Variants in RNF139 observed in about 807,000 individuals in gnomAD.
RNF139 encodes ring finger protein 139, also known as E3 ubiquitin-protein ligase RNF139.
Under a neutral mutation model 49.5 loss-of-function variants are expected in RNF139, and 15 were observed. The observed-to-expected ratio is 0.30, with a 90% CI of 0.20 to 0.47. RNF139 has a LOEUF of 0.47. Among genes scored for constraint, RNF139 ranks in the 20% least tolerant of loss-of-function variants. RNF139 has a pLI of 1.00. For synonymous variants in RNF139, 325 were observed against 300.9 expected (o/e 1.08, Z -0.83); for missense variants, 619 against 806.3 (o/e 0.77, Z 2.81).
At chr8:124,482,335 G>A (rs1185330201) in intron 1 of RNF139, among the ~76,000 whole-genome samples, 2 of 152,008 alleles carry the variant, frequency 1.3e-5, no homozygotes, top group African/African-American at 4.8e-5. Context: ...TAAAATTATG[G>A]CAAAGCTCAT....
intron 1 of RNF139, among the ~76,000 whole-genome samples, chr8:124,484,708 T>C (rs796151328): frequency 1.3e-5 from 2 of 152,196 alleles, no homozygotes; most frequent in African/African-American, 4.8e-5. Flanking sequence ...ACTTAAAATA[T>C]GCATTTCTGT....
rs1816554709 is a variant in RNF139 at position 124,487,371 on chromosome 8, A to G, written c.1722A>G (p.Lys574=). ...NHYFHALCLR[K]WLYIQDTCPM... ...ATTTCCATGCACTTTGCCTTCGGAA[A>G]TGGCTGTACATTCAAGATACTTGTC... The change falls in exon 2 of 2, where the codon AAA becomes AAG. Residue 574 remains lysine (K), a synonymous_variant. Coordinates refer to ENST00000303545, the MANE Select transcript of RNF139 (RefSeq NM_007218.4). 6.2e-7 allele frequency: 1 copy of G among 1,614,168 alleles called. No homozygotes were observed. The highest frequency in any genetic ancestry group is 1.1e-5 in the South Asian group (1 of 91,082).
Position 124,487,631 on chromosome 8 carries a change from A to G in RNF139, c.1982A>G (p.Asp661Gly), listed in dbSNP as rs754949811. ...HTGAAAEEFN[D>G]DTD Reference sequence around the variant, plus strand: ...GGCGCAGCAGCTGAAGAATTTAATGATGATACTGACTGATGAAAATAGCAT... The same window carrying G: ...GGCGCAGCAGCTGAAGAATTTAATGGTGATACTGACTGATGAAAATAGCAT... The change falls in exon 2 of 2, where the codon GAT (aspartate) becomes GGT (glycine). Residue 661 changes from aspartate (D) to glycine (G), a missense_variant. Asp to Gly is a moderately conservative substitution (Grantham distance 94, BLOSUM62 -1). Around this residue, in one of 2 missense-constraint regions of RNF139, gnomAD observed 530 missense variants for 728.9 expected, o/e 0.73. Transcript: ENST00000303545. The G allele has an allele frequency of 1.4e-5, 23 of 1,603,316 alleles. No homozygotes were observed. The East Asian group carries it at 4.9e-4, about 34-fold the overall frequency.
At chr8:124,477,419 T>C (rs1009173142) in intron 1 of RNF139, among the ~76,000 whole-genome samples, 4 of 152,248 alleles carry the variant, frequency 2.6e-5, no homozygotes, top group African/African-American at 7.2e-5. Context: ...TTTGTAGTTG[T>C]AGACTTCTCA....
Position 124,486,084 on chromosome 8 carries a change from C to A in RNF139, c.435C>A (p.Leu145=), listed in dbSNP as rs1294744700. 1.9e-6 allele frequency: 3 copies of A among 1,614,190 alleles called. No individual in the cohort carries two copies. Among genetic ancestry groups the A allele is most frequent in the Non-Finnish European group, 2.5e-6 (3 of 1,180,024 alleles). ...LTFGIGYVTL[L]QIHSIYSQLI... is the part of the protein sequence containing the mutation. ...TTGGAATTGGATACGTTACACTACT[C>A]CAGATTCATTCCATCTATTCACAAT... is the stretch of plus-strand genomic sequence containing the variant. The change falls in exon 2 of 2, where the codon CTC becomes CTA. Residue 145 remains leucine, a synonymous_variant. Transcript: ENST00000303545.
Position 124,488,500 on chromosome 8 carries a change from T to C in RNF139, c.*856T>C. The C allele has an allele frequency of 6.0e-6, 4 of 665,572 alleles. No homozygotes were observed. Among genetic ancestry groups the C allele is most frequent in the Non-Finnish European group, 1.1e-5 (4 of 379,304 alleles). The allele number at this position is 665,572 out of a possible 1,614,324, so 41.2% of individuals were successfully genotyped here. ...TGTGTACCGATATATAGTATTTCTT[T>C]AGACAACTTGCAGATAATTTCTTTA... On this transcript the variant is annotated 3_prime_UTR_variant, in exon 2 of 2. Transcript: ENST00000303545.
In RNF139 at chr8:124,487,377, G is replaced by T. The variant is rs1816554773; in HGVS notation, c.1728G>T (p.Leu576=). The part of the protein sequence containing the change: ...YFHALCLRKW[L]YIQDTCPMCH... ...ATGCACTTTGCCTTCGGAAATGGCT[G>T]TACATTCAAGATACTTGTCCAATGT... Residue 576 remains leucine (L), a synonymous_variant, in exon 2 of 2, where the codon CTG becomes CTT. Coordinates refer to ENST00000303545, the MANE Select transcript of RNF139 (RefSeq NM_007218.4). The T allele has an allele frequency of 6.2e-7, 1 of 1,613,996 alleles. No individual in the cohort carries two copies.
Position 124,486,849 on chromosome 8 carries a change from T to A in RNF139, c.1200T>A (p.Phe400Leu). The A allele has an allele frequency of 6.2e-7, 1 of 1,613,944 alleles. No homozygotes were observed. Among genetic ancestry groups the A allele is most frequent in the African/African-American group, 1.3e-5 (1 of 75,012 alleles). Reference protein sequence around the residue: ...FPVLFVSACLFILPVLLSYVL... With the variant: ...FPVLFVSACLLILPVLLSYVL... Reference sequence around the variant, plus strand: ...TGCTGTTTGTCTCTGCTTGCCTGTTTATTCTTCCTGTCTTACTCAGTTATG... The same window carrying A: ...TGCTGTTTGTCTCTGCTTGCCTGTTAATTCTTCCTGTCTTACTCAGTTATG... The change falls in exon 2 of 2, where the codon TTT becomes TTA. Residue 400 changes from phenylalanine (F) to leucine (L), a missense_variant. Physicochemically the swap from Phe to Leu is conservative, Grantham distance 22. Coordinates refer to ENST00000303545, the MANE Select transcript of RNF139 (RefSeq NM_007218.4).
At chr8:124,475,562 C>T (rs1048975796) in intron 1 of RNF139, among the ~76,000 whole-genome samples, 1 of 152,184 alleles carries the variant, frequency 6.6e-6, no homozygotes, top group Non-Finnish European at 1.5e-5. Context: ...AGCTCTTTGC[C>T]CGTTTGCCTT....
Position 124,486,263 on chromosome 8 carries a change from C to T in RNF139, c.614C>T (p.Thr205Ile). The T allele has an allele frequency of 6.2e-7, 1 of 1,614,040 alleles. No individual in the cohort carries two copies. The change falls in exon 2 of 2, where the codon ACA becomes ATA. Residue 205 changes from threonine (T) to isoleucine (I), a missense_variant. By Grantham distance (89) the Thr-to-Ile change is moderately conservative. This residue lies in a region of RNF139 where 530 missense variants were observed against 728.9 expected (regional missense o/e 0.73). Transcript: ENST00000303545. Reference sequence around the variant, plus strand: ...AAACTGAAGTGGTTTTATTATTCCACACGATATGTTTATCTTTTGGTGAGG... The same window carrying T: ...AAACTGAAGTGGTTTTATTATTCCATACGATATGTTTATCTTTTGGTGAGG... ...AVKLKWFYYS[T>I]RYVYLLVRHM...
In RNF139 at chr8:124,487,194, C is replaced by A; in HGVS notation, c.1545C>A (p.Gly515=). The A allele has an allele frequency of 6.2e-7, 1 of 1,613,876 alleles. No homozygotes were observed. Among genetic ancestry groups the A allele is most frequent in the Middle Eastern group, 1.7e-4 (1 of 6,060 alleles). The change falls in exon 2 of 2, where the codon GGC becomes GGA. Residue 515 remains glycine, a synonymous_variant. Coordinates refer to ENST00000303545, the MANE Select transcript of RNF139 (RefSeq NM_007218.4). ...ACATCTACTTACAAGCCAAAAATGG[C>A]TGGAAGACATTTATGAATCGTAGGA... is the stretch of plus-strand genomic sequence containing the variant. The part of the protein sequence containing the change: ...YFNIYLQAKN[G]WKTFMNRRTA...
At chr8:124,482,986 A>T (rs1586524063) in intron 1 of RNF139, among the ~76,000 whole-genome samples, 1 of 104,100 alleles carries the variant, frequency 9.6e-6, no homozygotes, top group Non-Finnish European at 1.8e-5. Flanking sequence ...AAATATATAT[A>T]TATTTAAAAA....
At position 124,486,674 on chromosome 8, in the gene RNF139, G is replaced by A. The variant is rs1315520758; in HGVS notation, c.1025G>A (p.Gly342Glu). The change falls in exon 2 of 2, where the codon GGG (glycine) becomes GAG (glutamate). Residue 342 changes from glycine to glutamate, a missense_variant. Transcript: ENST00000303545. ...FILALQTGLS[G>E]LRPEERLIRL... ...TTGGCTCTTCAGACTGGGTTAAGTGGGCTAAGACCAGAAGAGAGACTTATT... is the reference window on the plus strand; with the variant it reads ...TTGGCTCTTCAGACTGGGTTAAGTGAGCTAAGACCAGAAGAGAGACTTATT... 10 of 1,613,930 alleles carry A rather than the reference G, an allele frequency of 6.2e-6. No homozygotes were observed. Among genetic ancestry groups the A allele is most frequent in the Non-Finnish European group, 6.8e-6 (8 of 1,180,018 alleles).
chr8:124,479,014 C>G (rs117740805), intron 1 of RNF139, among the ~76,000 whole-genome samples: 1 of 152,086 alleles, frequency 6.6e-6, no homozygotes, highest in Non-Finnish European at 1.5e-5. Flanking sequence ...CGTGAGCCAC[C>G]GTGCCTGGCC....
rs763580515 is a variant in RNF139 at position 124,486,808 on chromosome 8, C to T, written c.1159C>T (p.Arg387Cys). Residue 387 changes from arginine to cysteine, a missense_variant, in exon 2 of 2, where the codon CGT (arginine) becomes TGT (cysteine). By Grantham distance (180) the Arg-to-Cys change is radical. Around this residue, in one of 2 missense-constraint regions of RNF139, gnomAD observed 530 missense variants for 728.9 expected, o/e 0.73. Transcript: ENST00000303545. Reference sequence around the variant, plus strand: ...CAGTGCCTCTCATGTGTCATCTTTTCGTAGACATTTTCCTGTGCTGTTTGT... The same window carrying T: ...CAGTGCCTCTCATGTGTCATCTTTTTGTAGACATTTTCCTGTGCTGTTTGT... ...SLSASHVSSF[R>C]RHFPVLFVSA... The T allele has an allele frequency of 9.3e-6, 15 of 1,613,708 alleles. No individual in the cohort carries two copies. Among genetic ancestry groups the T allele is most frequent in the African/African-American group, 4.0e-5 (3 of 74,856 alleles).
chr8:124,476,264 A>G (rs1816312404), intron 1 of RNF139, among the ~76,000 whole-genome samples: 1 of 152,230 alleles, frequency 6.6e-6, no homozygotes, highest in Admixed American at 6.5e-5. Flanking sequence ...TGTTCTTAGC[A>G]ATAAATAGCC....
At position 124,486,982 on chromosome 8, in the gene RNF139, A is replaced by G. The variant is rs960365370; in HGVS notation, c.1333A>G (p.Met445Val). ...TTCTCTCACTGTTTATACGTTATTC[A>G]TGATTGATGGCTACTATAATGTCCT... ...IVSLTVYTLFMIDGYYNVLWE... is the reference protein window; with the variant it reads ...IVSLTVYTLFVIDGYYNVLWE... Residue 445 changes from methionine (M) to valine (V), a missense_variant, in exon 2 of 2, where the codon ATG (methionine) becomes GTG (valine). By Grantham distance (21) the Met-to-Val change is conservative (BLOSUM62 1). Around this residue, in one of 2 missense-constraint regions of RNF139, gnomAD observed 530 missense variants for 728.9 expected, o/e 0.73. Transcript: ENST00000303545. 1 of 1,613,926 alleles carries G rather than the reference A, an allele frequency of 6.2e-7. No homozygotes were observed.
rs1177156070 is a variant in RNF139 at position 124,486,939 on chromosome 8, G to C, written c.1290G>C (p.Leu430=). ...LFAVTAFCVE[L]CLKVIVSLTV... is the part of the protein sequence containing the mutation. ...CAGTTACAGCATTTTGTGTGGAACTGTGCTTAAAAGTAATTGTTTCTCTCA... is the reference window on the plus strand; with the variant it reads ...CAGTTACAGCATTTTGTGTGGAACTCTGCTTAAAAGTAATTGTTTCTCTCA... The change falls in exon 2 of 2, where the codon CTG becomes CTC. Residue 430 remains leucine (L), a synonymous_variant. Transcript: ENST00000303545. 6.2e-7 allele frequency: 1 copy of C among 1,614,018 alleles called. No individual in the cohort carries two copies.
At position 124,486,429 on chromosome 8, in the gene RNF139, A is replaced by C; in HGVS notation, c.780A>C (p.Ala260=). ...TGTTAATGTACATCTTAAGGATGGCAAATGAAACTGATTCCTTCTTTATTT... is the reference window on the plus strand; with the variant it reads ...TGTTAATGTACATCTTAAGGATGGCCAATGAAACTGATTCCTTCTTTATTT... ...ATVLMYILRM[A]NETDSFFISW... Residue 260 remains alanine, a synonymous_variant, in exon 2 of 2, where the codon GCA becomes GCC. Transcript: ENST00000303545. 2 of 1,614,208 alleles carry C rather than the reference A, an allele frequency of 1.2e-6. No individual in the cohort carries two copies. The highest frequency in any genetic ancestry group is 1.7e-6 in the Non-Finnish European group (2 of 1,180,034).
Sources: allele counts gnomAD v4.1 joint callset (sites outside exome capture counted in the v4.1 genomes callset), GRCh38; gene constraint gnomAD v4.1.1; regional missense constraint gnomAD v4.1.1; transcripts MANE v1.5; gene names NCBI Gene and HGNC (gene_info 2026-07-23, HGNC 2026-07-21).